AUTS2: variants seen among roughly 807,000 people sequenced by gnomAD.
The protein encoded by AUTS2 is autism susceptibility gene 2 protein.
AUTS2 carries 17 observed loss-of-function variants against 112.4 expected under a neutral mutation model. The observed-to-expected ratio is 0.15, with a 90% CI of 0.10 to 0.23. AUTS2 has a LOEUF of 0.23. Ranked by LOEUF, AUTS2 falls within the 10% of genes least tolerant of loss-of-function variation. The pLI, the probability that AUTS2 is intolerant of heterozygous loss-of-function variation, is 1.00. For synonymous variants in AUTS2, 751 were observed against 702.7 expected, an observed-to-expected ratio of 1.07 and a Z score of -1.09; for missense variants, 1,510 against 1,701.6, an observed-to-expected ratio of 0.89 and a Z score of 1.98.
intron 2 of AUTS2, among the ~76,000 whole-genome samples, chr7:69,916,687 C>T (rs1795592183): frequency 6.6e-6 from 1 of 152,146 alleles, no homozygotes. Flanking sequence ...AGTCAAACTC[C>T]TCTTCCCCTC....
chr7:69,901,259 T>C (rs1037322572), intron 2 of AUTS2, among the ~76,000 whole-genome samples: 2 of 151,912 alleles, frequency 1.3e-5, no homozygotes, highest in African/African-American at 2.4e-5. Flanking sequence ...TGGAGAGAGA[T>C]TGCAATGTAA....
intron 1 of AUTS2, among the ~76,000 whole-genome samples, chr7:69,781,072 C>A (rs1789126299): frequency 6.6e-6 from 1 of 152,198 alleles, no homozygotes; most frequent in South Asian, 2.1e-4. Flanking sequence ...AGCCCAGTTT[C>A]ACAGTTAGCA....
chr7:70,525,342 G>T lies in AUTS2; in HGVS notation c.690+89561G>T, dbSNP rs560129767. Among the ~76,000 whole-genome samples the T allele has an allele frequency of 2.5e-4, 38 of 152,316 alleles. No individual in the cohort carries two copies. The South Asian group carries it at 6.4e-3, about 26-fold the overall frequency. Reference sequence around the variant, plus strand: ...GACTGTAAGCTCCAGGAGGCCAGAGGCCCTTTCCTTGTTAGCTGGCCATTC... The same window carrying T: ...GACTGTAAGCTCCAGGAGGCCAGAGTCCCTTTCCTTGTTAGCTGGCCATTC... On this transcript the variant is annotated intron_variant, in intron 5 of 18. Coordinates refer to ENST00000342771, the MANE Select transcript of AUTS2 (RefSeq NM_015570.4).
At chr7:70,619,176 C>T (rs181019935) in intron 5 of AUTS2, among the ~76,000 whole-genome samples, 3 of 152,250 alleles carry the variant, frequency 2.0e-5, no homozygotes, top group Admixed American at 6.5e-5. Flanking sequence ...AGGATTCACT[C>T]CTGTCAAACA....
Position 70,790,399 on chromosome 7 carries a change from C to G in AUTS2, c.3183C>G (p.Phe1061Leu). The G allele has an allele frequency of 6.2e-7, 1 of 1,613,662 alleles. No homozygotes were observed. The highest frequency in any genetic ancestry group is 1.1e-5 in the South Asian group (1 of 90,984). Residue 1061 changes from phenylalanine (F) to leucine (L), a missense_variant, in exon 19 of 19, where the codon TTC becomes TTG. Phe to Leu is a conservative substitution (Grantham distance 22, BLOSUM62 0). Coordinates refer to ENST00000342771, the MANE Select transcript of AUTS2 (RefSeq NM_015570.4). The surrounding 1 kb of genome is among the most constrained non-coding windows in gnomAD (Gnocchi z 7.6). ...GCCCCCTCCCGGGCGGAGAGCGCTTCCCGTACCCTTCTTTCCACTGGGACC... is the reference window on the plus strand; with the variant it reads ...GCCCCCTCCCGGGCGGAGAGCGCTTGCCGTACCCTTCTTTCCACTGGGACC... Reference protein sequence around the residue: ...GISPLPGGERFPYPSFHWDPI... With the variant: ...GISPLPGGERLPYPSFHWDPI...
chr7:70,315,138 G>A lies in AUTS2; in HGVS notation c.661-120614G>A, dbSNP rs140767377. On this transcript the variant is annotated intron_variant, in intron 4 of 18. Coordinates refer to ENST00000342771, the MANE Select transcript of AUTS2 (RefSeq NM_015570.4). ...AGCTTCTTAATGCCCACCAGTGACCGCATTCTGCCTAGTTGACAAGCTGTT... is the reference window on the plus strand; with the variant it reads ...AGCTTCTTAATGCCCACCAGTGACCACATTCTGCCTAGTTGACAAGCTGTT... 2.6e-3 allele frequency among the ~76,000 whole-genome samples: 389 copies of A among 152,218 alleles called. 1 individual carries two copies. The highest frequency in any genetic ancestry group is 8.5e-3 in the African/African-American group (355 of 41,534).
Position 69,899,420 on chromosome 7 carries a change from C to T in AUTS2, c.444C>T (p.Tyr148=). The stretch of plus-strand genomic sequence containing the variant: ...GCAGACTCAGCCACCCACACCACTA[C>T]AGCTCAGATCGAGAAAATGACCGCA... The part of the protein sequence containing the change: ...KKSRLSHPHH[Y]SSDRENDRNL... The change falls in exon 2 of 19, where the codon TAC becomes TAT. Residue 148 remains tyrosine, a synonymous_variant. Transcript: ENST00000342771. 1 of 1,614,040 alleles carries T rather than the reference C, an allele frequency of 6.2e-7. No homozygotes were observed.
rs546119135 is a variant in AUTS2, at chr7:69,924,035, GA to G, written c.522+24540del. On this transcript the variant is annotated intron_variant, in intron 2 of 18. Coordinates refer to ENST00000342771, the MANE Select transcript of AUTS2 (RefSeq NM_015570.4). ...CCTGCCCTTTTCCTGATTTTAGGGG[GA>G]AAGACAGAATCTTTTGCCATTAATT... Among the ~76,000 whole-genome samples, 16 of 152,222 alleles carry G rather than the reference GA, an allele frequency of 1.1e-4. 1 individual carries two copies. The South Asian group carries it at 3.1e-3, about 30-fold the overall frequency.
intron 2 of AUTS2, among the ~76,000 whole-genome samples, chr7:70,065,615 T>C (rs771719560): frequency 4.6e-5 from 7 of 152,102 alleles, no homozygotes; most frequent in Non-Finnish European, 1.0e-4. Context: ...GAGAATTGCT[T>C]GAACCCGAGA....
chr7:69,632,763 A>AT (rs1267299085), intron 1 of AUTS2, among the ~76,000 whole-genome samples: 1 of 152,168 alleles, frequency 6.6e-6, no homozygotes, highest in African/African-American at 2.4e-5. Flanking sequence ...CAAGAATTTT[A>AT]TGGTAGAGCC....
intron 4 of AUTS2, among the ~76,000 whole-genome samples, chr7:70,189,718 G>A (rs1419720316): frequency 1.3e-5 from 2 of 152,186 alleles, no homozygotes; most frequent in East Asian, 3.9e-4. Context: ...TCTCTCTTGA[G>A]CATCCTCAAA....
chr7:70,746,960 A>G (rs1788492168), intron 6 of AUTS2, among the ~76,000 whole-genome samples: 2 of 152,174 alleles, frequency 1.3e-5, no homozygotes, highest in South Asian at 4.1e-4. Context: ...CCCATGAACC[A>G]CCAGTTAATA....
chr7:69,776,418 A>T (rs370384032), intron 1 of AUTS2, among the ~76,000 whole-genome samples: 8 of 152,050 alleles, frequency 5.3e-5, no homozygotes, highest in African/African-American at 1.4e-4. Context: ...CCAAATGTAA[A>T]TTTTTTTGTT....
intron 5 of AUTS2, among the ~76,000 whole-genome samples, chr7:70,524,815 T>C (rs925035952): frequency 3.3e-5 from 5 of 152,260 alleles, no homozygotes; most frequent in Non-Finnish European, 5.9e-5. Flanking sequence ...ATATATGCTG[T>C]CTGCAAGACT....
intron 2 of AUTS2, among the ~76,000 whole-genome samples, chr7:70,009,042 C>T (rs567193114): frequency 6.6e-6 from 1 of 152,142 alleles, no homozygotes; most frequent in East Asian, 1.9e-4. Context: ...TTTTGTGTTG[C>T]TATAAAAGAA....
chr7:70,361,835 C>G (rs1394680766), intron 4 of AUTS2, among the ~76,000 whole-genome samples: 3 of 152,142 alleles, frequency 2.0e-5, no homozygotes, highest in Non-Finnish European at 4.4e-5. Context: ...TAGAATAAAA[C>G]TTGCTGAAAT....
chr7:70,674,131 C>G (rs1807788488), intron 5 of AUTS2, among the ~76,000 whole-genome samples: 1 of 152,170 alleles, frequency 6.6e-6, no homozygotes, highest in Non-Finnish European at 1.5e-5. Context: ...CTGGGCAGCT[C>G]CCGGCTCTGC....
Position 70,117,104 on chromosome 7 carries a change from G to GTTTTGTTTTTTTTTTTTT in AUTS2, c.523-1024_523-1023insGTTTTTTTTTTTTTTTTT, listed in dbSNP as rs1562710088. On this transcript the variant is annotated intron_variant, in intron 2 of 18. Transcript: ENST00000342771. The stretch of plus-strand genomic sequence containing the variant: ...ACGTAAACTTCATGAGATGACTTTT[G>GTTTTGTTTTTTTTTTTTT]TTTTTTTTTTTTGTTTTTTTTTGTT... 3.8e-5 allele frequency among the ~76,000 whole-genome samples: 3 copies of GTTTTGTTTTTTTTTTTTT among 78,458 alleles called. 1 individual carries two copies. The highest frequency in any genetic ancestry group is 4.8e-5 in the African/African-American group (1 of 20,694). 51.5% of individuals were successfully genotyped at this position (78,458 alleles called of 152,430 possible).
intron 3 of AUTS2, 142 bp downstream of exon 3, chr7:70,118,375 T>G: frequency 1.0e-6 from 1 of 978,264 alleles, no homozygotes; most frequent in Non-Finnish European, 1.4e-6. Context: ...CGGTTCACAT[T>G]ATCTTTGTAT....
Sources: gnomAD v4.1 joint callset for allele counts (sites outside exome capture counted in the v4.1 genomes callset) on GRCh38, gnomAD v4.1.1 for gene constraint, Gnocchi (gnomAD v3.1) non-coding constraint, MANE v1.5 for transcripts, NCBI Gene and HGNC (gene_info 2026-07-23, HGNC 2026-07-21) for gene names.